Variants in GIGYF2 observed in about 807,000 individuals in gnomAD.
GIGYF2 encodes the protein GRB10 interacting GYF protein 2.
GIGYF2 carries 25 observed loss-of-function variants against 208.1 expected under a neutral mutation model. The ratio of observed to expected loss-of-function variants is 0.12; its 90% CI spans 0.09 to 0.17. The LOEUF (loss-of-function observed/expected upper bound fraction) is 0.17, where lower values mean the gene tolerates loss of function less well. GIGYF2 is among the 10% of genes least tolerant of loss of function. The pLI, the probability that GIGYF2 is intolerant of heterozygous loss-of-function variation, is 1.00. For missense variants in GIGYF2, 1,302 were observed against 1,579.4 expected (o/e 0.82, Z 2.98); for synonymous variants, 534 against 543.8 (o/e 0.98, Z 0.25).
chr2:232,739,111 C>A (rs989233171), intron 3 of GIGYF2, among the ~76,000 whole-genome samples: 1 of 152,024 alleles, frequency 6.6e-6, no homozygotes, highest in Non-Finnish European at 1.5e-5. Context: ...GTAATCCCAG[C>A]ACTTTGGGAG....
rs187331657 is a variant in GIGYF2, at chr2:232,821,165, A to G, written c.2529+1180A>G. Among the ~76,000 whole-genome samples the G allele has an allele frequency of 5.2e-3, 783 of 151,842 alleles. 4 individuals are homozygous for G. The highest frequency in any genetic ancestry group is 0.018 in the African/African-American group (758 of 41,350). On this transcript the variant is annotated intron_variant, in intron 21 of 28. Transcript: ENST00000373563. ...TGAAACACGTAAATTTTTCACTTTG[A>G]CAATGTCCAATTTATCTTTTTATTT...
intron 22 of GIGYF2, among the ~76,000 whole-genome samples, chr2:232,836,315 T>C (rs369235507): frequency 4.5e-4 from 9 of 19,892 alleles, no homozygotes; most frequent in South Asian, 1.2e-3. Flanking sequence ...TATATATATA[T>C]ATATATATAT....
rs140031633 is a variant in GIGYF2, at chr2:232,851,399, G to A, written c.3832+990G>A. Among the ~76,000 whole-genome samples, 575 of 151,852 alleles carry A rather than the reference G, an allele frequency of 3.8e-3. 7 individuals carry two copies. Among genetic ancestry groups the A allele is most frequent in the Middle Eastern group, 0.014 (4 of 292 alleles). On this transcript the variant is annotated intron_variant, in intron 28 of 28. Coordinates refer to ENST00000373563, the MANE Select transcript of GIGYF2 (RefSeq NM_001103146.3). ...TAGGCTGCCCATGTTTTTTGCAACA[G>A]TGATGAAACTAACATTTTTTTTTTC...
At chr2:232,698,231 CTG>C (rs1245143627) in intron 1 of GIGYF2, 1 of 152,164 alleles carries the variant, frequency 6.6e-6, no homozygotes, top group Non-Finnish European at 1.5e-5. Flanking sequence ...TTATTTAGTA[CTG>C]TGTTTTTTAT....
chr2:232,796,308 T>C (rs1170771202), intron 14 of GIGYF2, 87 bp downstream of exon 14: 2 of 914,434 alleles, frequency 2.2e-6, no homozygotes, highest in African/African-American at 1.6e-5. Flanking sequence ...ATTTAAATTA[T>C]AGTAGAAAAA....
intron 21 of GIGYF2, among the ~76,000 whole-genome samples, chr2:232,822,920 A>G (rs1468954774): frequency 6.6e-6 from 1 of 152,142 alleles, no homozygotes; most frequent in African/African-American, 2.4e-5. Context: ...AATGTATAAT[A>G]GCCTTATTTC....
At chr2:232,796,731 G>A (rs1243768249) in intron 14 of GIGYF2, among the ~76,000 whole-genome samples, 1 of 152,040 alleles carries the variant, frequency 6.6e-6, no homozygotes, top group East Asian at 1.9e-4. Context: ...ATGGTGGCAG[G>A]TGCCTGTAAT....
intron 8 of GIGYF2, among the ~76,000 whole-genome samples, chr2:232,779,409 G>A (rs370637719): frequency 6.6e-6 from 1 of 152,266 alleles, no homozygotes; most frequent in East Asian, 1.9e-4. Flanking sequence ...ATCTATAAAT[G>A]TATCACATTT....
chr2:232,827,001 G>A (rs1252852324), intron 21 of GIGYF2, among the ~76,000 whole-genome samples: 6 of 152,168 alleles, frequency 3.9e-5, no homozygotes. Flanking sequence ...GATTTTCAAT[G>A]TAGGTGAAAC....
At chr2:232,779,059 G>C (rs561125519) in intron 8 of GIGYF2, among the ~76,000 whole-genome samples, 1 of 152,218 alleles carries the variant, frequency 6.6e-6, no homozygotes, top group South Asian at 2.1e-4. Context: ...ATATTTTGGG[G>C]TGGTGTTTCC....
intron 14 of GIGYF2, among the ~76,000 whole-genome samples, chr2:232,797,114 T>TA (rs1268770221): frequency 6.6e-6 from 1 of 150,648 alleles, no homozygotes; most frequent in African/African-American, 2.4e-5. Context: ...ATAAAAATGG[T>TA]AGAGAACTAC....
In GIGYF2 at chr2:232,768,189, T is replaced by G. The variant is rs769427290; in HGVS notation, c.532+6753T>G. 3.7e-6 allele frequency: 6 copies of G among 1,613,814 alleles called. No homozygotes were observed. In the South Asian group the frequency reaches 6.6e-5, roughly 18 times the overall value. ...TTTAATACATTAAAAAATGGATAAG[T>G]CTTATTCTGTCAGTCCTGTTTCAGA... On this transcript the variant is annotated intron_variant, in intron 8 of 28. Coordinates refer to ENST00000373563, the MANE Select transcript of GIGYF2 (RefSeq NM_001103146.3).
At chr2:232,775,707 T>C (rs1699483871) in intron 8 of GIGYF2, among the ~76,000 whole-genome samples, 1 of 152,220 alleles carries the variant, frequency 6.6e-6, no homozygotes, top group African/African-American at 2.4e-5. Context: ...GTTGTAGCAC[T>C]TAAAAGTATG....
chr2:232,713,939 AT>A (rs1257135227), intron 2 of GIGYF2, among the ~76,000 whole-genome samples: 144 of 135,672 alleles, frequency 1.1e-3, no homozygotes, highest in African/African-American at 1.7e-3. Flanking sequence ...TGAGGAACTG[AT>A]TTTTTTTTTT....
chr2:232,707,424 A>T (rs994995803), intron 2 of GIGYF2, among the ~76,000 whole-genome samples: 21 of 152,302 alleles, frequency 1.4e-4, no homozygotes, highest in African/African-American at 5.1e-4. Flanking sequence ...TACTTGATAA[A>T]TCATGGCTTA....
intron 2 of GIGYF2, among the ~76,000 whole-genome samples, chr2:232,705,231 A>G (rs1164141884): frequency 6.6e-6 from 1 of 152,176 alleles, no homozygotes; most frequent in Non-Finnish European, 1.5e-5. Flanking sequence ...CGCAGGGTCC[A>G]ACTTCATAGA....
chr2:232,842,386 A>G lies in GIGYF2; in HGVS notation c.2890-1660A>G, dbSNP rs993824490. ...TGAGCTTTTAATATATGCTATATCA[A>G]ACATCTGTGAGTCCTTATTTTGTTC... On this transcript the variant is annotated intron_variant, in intron 23 of 28. Coordinates refer to ENST00000373563, the MANE Select transcript of GIGYF2 (RefSeq NM_001103146.3). Among the ~76,000 whole-genome samples the G allele has an allele frequency of 4.6e-5, 7 of 152,170 alleles. No homozygotes were observed. In the East Asian group the frequency reaches 5.8e-4, roughly 13 times the overall value.
chr2:232,739,950 A>G (rs1697909049), intron 3 of GIGYF2, among the ~76,000 whole-genome samples: 1 of 151,016 alleles, frequency 6.6e-6, no homozygotes, highest in Admixed American at 6.6e-5. Context: ...AAAAAAAAAA[A>G]AAAAAAAAAT....
chr2:232,793,532 GGAGA>G (rs1700134452), intron 12 of GIGYF2, among the ~76,000 whole-genome samples: 1 of 152,172 alleles, frequency 6.6e-6, no homozygotes, highest in Non-Finnish European at 1.5e-5. Flanking sequence ...ACTGGGGAGA[GGAGA>G]GAGAAATTCA....
Sources: gnomAD v4.1 joint callset for allele counts (sites outside exome capture counted in the v4.1 genomes callset) on GRCh38, gnomAD v4.1.1 for gene constraint, MANE v1.5 for transcripts, NCBI Gene and HGNC (gene_info 2026-07-23, HGNC 2026-07-21) for gene names.